The following PDE4D variants were observed in gnomAD, a reference collection of about 807,000 sequenced individuals.
The protein encoded by PDE4D is 3',5'-cyclic-AMP phosphodiesterase 4D.
Under a neutral mutation model 87.4 loss-of-function variants are expected in PDE4D, and 24 were observed. That is an observed-to-expected ratio of 0.27 (90% CI 0.20 to 0.39). The LOEUF (loss-of-function observed/expected upper bound fraction) is 0.39, where lower values mean the gene tolerates loss of function less well. PDE4D is among the 10% of genes least tolerant of loss of function. The pLI is 1.00. For synonymous variants in PDE4D, 384 were observed against 383.2 expected, an observed-to-expected ratio of 1.00 and a Z score of -0.02; for missense variants, 714 against 1,041.0, an observed-to-expected ratio of 0.69 and a Z score of 4.32.
rs1579957845 is a variant in PDE4D at position 59,626,029 on chromosome 5, A to G, written c.455+267139T>C. On this transcript the variant is annotated intron_variant, in intron 1 of 14. Transcript: ENST00000340635. ...CATGAACCCAGGAGGCGGAGCTTGC[A>G]GTGAGCCCAGATTGTGCCACTGTAC... 3.9e-5 allele frequency among the ~76,000 whole-genome samples: 6 copies of G among 152,350 alleles called. No individual in the cohort carries two copies. In the East Asian group the frequency reaches 1.2e-3, roughly 29 times the overall value.
chr5:60,052,940 T>C (rs1408407407), intron 2 of PDE4D, among the ~76,000 whole-genome samples: 1 of 152,082 alleles, frequency 6.6e-6, no homozygotes, highest in Non-Finnish European at 1.5e-5. Flanking sequence ...CCATTTACAA[T>C]TGCTACAAAG....
intron 11 of PDE4D, among the ~76,000 whole-genome samples, chr5:58,987,092 T>C (rs1746619643): frequency 6.6e-6 from 1 of 152,202 alleles, no homozygotes; most frequent in South Asian, 2.1e-4. Context: ...CAGGCTCATG[T>C]AAAGTGCCAG....
chr5:60,210,463 G>A (rs974914102), intron 1 of PDE4D, among the ~76,000 whole-genome samples: 1 of 151,978 alleles, frequency 6.6e-6, no homozygotes, highest in Non-Finnish European at 1.5e-5. Context: ...ATACATAGAT[G>A]CATTCAATCC....
intron 1 of PDE4D, among the ~76,000 whole-genome samples, chr5:60,414,588 A>C (rs1742325972): frequency 6.6e-6 from 1 of 152,264 alleles, no homozygotes; most frequent in Non-Finnish European, 1.5e-5. Context: ...GAGAAAGAAA[A>C]GACAGAATAT....
chr5:60,373,185 G>T, intron 1 of PDE4D, among the ~76,000 whole-genome samples: 1 of 152,194 alleles, frequency 6.6e-6, no homozygotes, highest in East Asian at 1.9e-4. Flanking sequence ...TTGGTTGGTT[G>T]TTGGTTTTTA....
exon 3 of PDE4D, chr5:59,988,636 A>G (rs772125696): frequency 1.3e-6 from 2 of 1,599,400 alleles, no homozygotes; most frequent in Non-Finnish European, 1.7e-6. Context: ...TTGCGACATG[A>G]AAGTCTCCGG....
At position 59,156,826 on chromosome 5, in the gene PDE4D, T is replaced by C. The variant is rs565185286; in HGVS notation, c.808+23769A>G. On this transcript the variant is annotated intron_variant, in intron 5 of 14. Coordinates refer to ENST00000340635, the MANE Select transcript of PDE4D (RefSeq NM_001104631.2). ...ACCATATTCTAGCTAAAAGAGAATA[T>C]ATACACAGCAACTAGAGAACGAATA... Among the ~76,000 whole-genome samples, 323 of 152,262 alleles carry C rather than the reference T, an allele frequency of 2.1e-3. 3 individuals are homozygous for C. Among genetic ancestry groups the C allele is most frequent in the African/African-American group, 7.6e-3 (315 of 41,570 alleles).
At chr5:59,775,165 T>G (rs1461076451) in intron 1 of PDE4D, among the ~76,000 whole-genome samples, 1 of 152,194 alleles carries the variant, frequency 6.6e-6, no homozygotes, top group Non-Finnish European at 1.5e-5. Context: ...TCTCTAAATA[T>G]TACTCTGACT....
chr5:59,275,226 C>A, intron 1 of PDE4D: 1 of 820,912 alleles, frequency 1.2e-6, no homozygotes, highest in East Asian at 2.6e-5. Flanking sequence ...AAAGAGCCGC[C>A]AATACTGCCT....
At chr5:59,116,265 A>G (rs34084892) in intron 5 of PDE4D, among the ~76,000 whole-genome samples, 26,423 of 152,110 alleles carry the variant, frequency 0.17, 2,340 homozygotes, top group South Asian at 0.22. Context: ...AGTAAACAAG[A>G]AGGAATGATT....
intron 1 of PDE4D, among the ~76,000 whole-genome samples, chr5:59,627,533 C>T (rs1381981696): frequency 1.3e-5 from 2 of 152,122 alleles, no homozygotes; most frequent in East Asian, 3.9e-4. Flanking sequence ...ATTATCCCTT[C>T]ACCCCACCCC....
chr5:59,716,688 A>T (rs754632538), intron 1 of PDE4D, among the ~76,000 whole-genome samples: 2 of 152,222 alleles, frequency 1.3e-5, no homozygotes, highest in African/African-American at 2.4e-5. Flanking sequence ...TTTCACAAAT[A>T]TCCATTGAGT....
chr5:59,122,588 C>A (rs971775056), intron 5 of PDE4D, among the ~76,000 whole-genome samples: 6 of 152,122 alleles, frequency 3.9e-5, no homozygotes, highest in Admixed American at 1.3e-4. Context: ...CCGTAAATAC[C>A]CCGATTCCAT....
At chr5:59,745,604 T>C (rs1759492302) in intron 1 of PDE4D, among the ~76,000 whole-genome samples, 1 of 152,142 alleles carries the variant, frequency 6.6e-6, no homozygotes, top group South Asian at 2.1e-4. Context: ...GGTGACGTGC[T>C]GATCAGCAAA....
Position 59,975,103 on chromosome 5 carries a change from C to T in PDE4D, c.272+13385G>A, listed in dbSNP as rs1761171666. Among the ~76,000 whole-genome samples the T allele has an allele frequency of 2.6e-5, 4 of 152,312 alleles. No individual in the cohort carries two copies. In the South Asian group the frequency reaches 8.3e-4, roughly 32 times the overall value. ...CTTGTAAAAACTTCTCGTTTGACAT[C>T]TATGCCAATCAACTCTACTTCCTTG... On this transcript the variant is annotated intron_variant, in intron 3 of 16. Coordinates refer to the PDE4D transcript ENST00000502484.
intron 2 of PDE4D, among the ~76,000 whole-genome samples, chr5:60,053,402 C>G (rs1360400035): frequency 6.6e-6 from 1 of 152,158 alleles, no homozygotes; most frequent in East Asian, 1.9e-4. Context: ...CTAAAAACAT[C>G]TGATCTTTGA....
At chr5:59,873,684 A>C (rs1748142307) in intron 1 of PDE4D, among the ~76,000 whole-genome samples, 1 of 152,228 alleles carries the variant, frequency 6.6e-6, no homozygotes, top group Non-Finnish European at 1.5e-5. Flanking sequence ...AACCAAAACA[A>C]TAAAAGTACA....
chr5:58,987,067 C>G (rs1160085670), intron 11 of PDE4D, among the ~76,000 whole-genome samples: 1 of 151,938 alleles, frequency 6.6e-6, no homozygotes, highest in Non-Finnish European at 1.5e-5. Flanking sequence ...TCATAAGCAT[C>G]AAAATAAATC....
At position 60,028,650 on chromosome 5, in the gene PDE4D, A is replaced by G. The variant is rs565607004; in HGVS notation, c.43-39933T>C. Among the ~76,000 whole-genome samples, 9 of 152,290 alleles carry G rather than the reference A, an allele frequency of 5.9e-5. 1 individual carries two copies. In the East Asian group the frequency reaches 1.7e-3, roughly 29 times the overall value. On this transcript the variant is annotated intron_variant, in intron 2 of 16. Coordinates refer to the PDE4D transcript ENST00000502484. ...TGAAATGCCCCTGATCCATATTCCTAGTTTACATTCCTCAACTGCCTCTTT... is the reference window on the plus strand; with the variant it reads ...TGAAATGCCCCTGATCCATATTCCTGGTTTACATTCCTCAACTGCCTCTTT...
Sources: allele counts gnomAD v4.1 joint callset (sites outside exome capture counted in the v4.1 genomes callset), GRCh38; gene constraint gnomAD v4.1.1; transcripts MANE v1.5; gene names NCBI Gene and HGNC (gene_info 2026-07-23, HGNC 2026-07-21).